The following STXBP5L variants were observed in gnomAD, a reference collection of about 807,000 sequenced individuals.
The protein encoded by STXBP5L is syntaxin binding protein 5L.
In STXBP5L, 65 loss-of-function variants were observed where a neutral mutation model predicts 144.5. The observed-to-expected ratio is 0.45, with a 90% CI of 0.37 to 0.55. STXBP5L has a LOEUF of 0.55. Among genes scored for constraint, STXBP5L ranks in the 20% least tolerant of loss-of-function variants. The pLI, the probability that STXBP5L is intolerant of heterozygous loss-of-function variation, is 0.00. For missense variants in STXBP5L, 1,298 were observed against 1,405.5 expected (o/e 0.92, Z 1.22); for synonymous variants, 505 against 469.6 (o/e 1.08, Z -0.97).
At chr3:121,102,118 T>C (rs933066572) in intron 5 of STXBP5L, among the ~76,000 whole-genome samples, 2 of 152,054 alleles carry the variant, frequency 1.3e-5, no homozygotes, top group Non-Finnish European at 2.9e-5. Context: ...AACAATATTG[T>C]TAAAATGGCC....
chr3:121,191,299 A>G (rs917199393), intron 9 of STXBP5L, among the ~76,000 whole-genome samples: 1 of 152,178 alleles, frequency 6.6e-6, no homozygotes, highest in Non-Finnish European at 1.5e-5. Flanking sequence ...GCACCTCGGG[A>G]GGCTGAGGCT....
chr3:121,218,832 T>C (rs554376883), intron 10 of STXBP5L, among the ~76,000 whole-genome samples: 1 of 152,264 alleles, frequency 6.6e-6, no homozygotes, highest in African/African-American at 2.4e-5. Context: ...TAATTAACTC[T>C]CTTAAAGTTT....
chr3:120,979,343 C>G (rs940174195), intron 3 of STXBP5L, among the ~76,000 whole-genome samples: 2 of 152,236 alleles, frequency 1.3e-5, no homozygotes, highest in Non-Finnish European at 2.9e-5. Flanking sequence ...GCATAGGACC[C>G]TCCGAGCCAG....
intron 3 of STXBP5L, among the ~76,000 whole-genome samples, chr3:120,975,621 C>T (rs1211785015): frequency 1.3e-5 from 2 of 152,138 alleles, no homozygotes; most frequent in Admixed American, 1.3e-4. Flanking sequence ...TGTCTTGTGC[C>T]AGTTTTCAAA....
intron 5 of STXBP5L, among the ~76,000 whole-genome samples, chr3:121,095,652 C>T (rs533319359): frequency 2.6e-4 from 40 of 152,230 alleles, no homozygotes; most frequent in Middle Eastern, 3.4e-3. Context: ...CATTTAAGGA[C>T]TTCTGTACAT....
At chr3:121,349,264 G>C (rs186767892) in intron 20 of STXBP5L, among the ~76,000 whole-genome samples, 8 of 152,060 alleles carry the variant, frequency 5.3e-5, no homozygotes, top group Admixed American at 3.9e-4. Flanking sequence ...GAAGTTGAGC[G>C]GTTTTGAGTG....
At chr3:121,149,182 T>G (rs1176718890) in intron 7 of STXBP5L, among the ~76,000 whole-genome samples, 1 of 152,130 alleles carries the variant, frequency 6.6e-6, no homozygotes, top group Non-Finnish European at 1.5e-5. Context: ...TGGGTATGTT[T>G]ACTTCATCAT....
intron 3 of STXBP5L, among the ~76,000 whole-genome samples, chr3:120,981,458 TG>T (rs1225054890): frequency 6.6e-6 from 1 of 152,196 alleles, no homozygotes; most frequent in Non-Finnish European, 1.5e-5. Context: ...AAGTTGTTTT[TG>T]TTTGTTCTAG....
At chr3:121,175,143 A>G (rs1398136679) in intron 9 of STXBP5L, among the ~76,000 whole-genome samples, 1 of 152,134 alleles carries the variant, frequency 6.6e-6, no homozygotes, top group Non-Finnish European at 1.5e-5. Context: ...GTAACAAGGA[A>G]AAATAACAAT....
intron 3 of STXBP5L, among the ~76,000 whole-genome samples, chr3:120,960,987 T>C (rs909690715): frequency 6.6e-6 from 1 of 152,178 alleles, no homozygotes; most frequent in Non-Finnish European, 1.5e-5. Flanking sequence ...TAAATTACTG[T>C]TTAAATCTTA....
chr3:121,326,765 G>T (rs980264510), intron 20 of STXBP5L, among the ~76,000 whole-genome samples: 3 of 151,990 alleles, frequency 2.0e-5, no homozygotes, highest in African/African-American at 7.2e-5. Flanking sequence ...AATAATATAT[G>T]GTAGTGATTA....
At chr3:121,110,026 G>T (rs2043904841) in intron 5 of STXBP5L, among the ~76,000 whole-genome samples, 1 of 152,070 alleles carries the variant, frequency 6.6e-6, no homozygotes, top group Admixed American at 6.6e-5. Flanking sequence ...AACTAGGATT[G>T]CAACCCCTGC....
At chr3:121,219,832 TA>T (rs1379596563) in intron 10 of STXBP5L, among the ~76,000 whole-genome samples, 3 of 152,240 alleles carry the variant, frequency 2.0e-5, no homozygotes, top group Non-Finnish European at 4.4e-5. Flanking sequence ...AGAATGCATG[TA>T]AAATTCTGCA....
intron 7 of STXBP5L, among the ~76,000 whole-genome samples, chr3:121,136,975 G>A (rs1176547740): frequency 6.6e-6 from 1 of 152,104 alleles, no homozygotes; most frequent in Non-Finnish European, 1.5e-5. Context: ...ATTAACACAG[G>A]AACAGAAAAC....
chr3:121,090,922 TCC>T lies in STXBP5L; in HGVS notation c.471-23998_471-23997del, dbSNP rs1256363979. ...TAGGTATATCTCCCAGTGCTATCCC[TCC>T]CCCCTCCCCCCACCCCACAACAGTC... On this transcript the variant is annotated intron_variant, in intron 5 of 26. Coordinates refer to ENST00000471454, the MANE Select transcript of STXBP5L (RefSeq NM_001308330.2). Among the ~76,000 whole-genome samples, 55 of 76,248 alleles carry T rather than the reference TCC, an allele frequency of 7.2e-4. 3 individuals are homozygous for T. Among genetic ancestry groups the T allele is most frequent in the African/African-American group, 3.3e-3 (55 of 16,900 alleles). The allele number at this position is 76,248 out of a possible 152,430, so 50.0% of individuals were successfully genotyped here.
chr3:121,287,168 T>C (rs338991), intron 19 of STXBP5L, among the ~76,000 whole-genome samples: 95,035 of 152,022 alleles, frequency 0.63, 29,910 homozygotes, highest in East Asian at 0.8. Context: ...TCCACTACCC[T>C]AAATAGAAAT....
At chr3:121,141,157 C>T (rs1342579633) in intron 7 of STXBP5L, among the ~76,000 whole-genome samples, 1 of 152,160 alleles carries the variant, frequency 6.6e-6, no homozygotes, top group South Asian at 2.1e-4. Flanking sequence ...GTAATCCCAG[C>T]ACTTGTGAGG....
At chr3:121,287,507 C>T (rs556001851) in intron 19 of STXBP5L, among the ~76,000 whole-genome samples, 9 of 152,158 alleles carry the variant, frequency 5.9e-5, no homozygotes, top group African/African-American at 1.9e-4. Context: ...AAGTACTTAG[C>T]CATAAATGAG....
chr3:121,010,698 C>T (rs1000755153), intron 3 of STXBP5L, among the ~76,000 whole-genome samples: 1 of 151,854 alleles, frequency 6.6e-6, no homozygotes, highest in Non-Finnish European at 1.5e-5. Context: ...TAATACCTAT[C>T]TCATACATTA....
Sources: gnomAD v4.1 joint callset for allele counts (sites outside exome capture counted in the v4.1 genomes callset) on GRCh38, gnomAD v4.1.1 for gene constraint, MANE v1.5 for transcripts, NCBI Gene and HGNC (gene_info 2026-07-23, HGNC 2026-07-21) for gene names.